The following MRE11 variants were observed in gnomAD, a reference collection of about 807,000 sequenced individuals.
MRE11 encodes MRE11 double strand break repair nuclease, also known as double-strand break repair protein MRE11.
In MRE11, 62 loss-of-function variants were observed where a neutral mutation model predicts 91.7. The observed-to-expected ratio is 0.68, with a 90% CI of 0.55 to 0.84. The LOEUF (loss-of-function observed/expected upper bound fraction) is 0.84. MRE11 is among the 40% of genes least tolerant of loss of function. MRE11 has a pLI of 0.00. For synonymous variants in MRE11, 273 were observed against 271.4 expected, an observed-to-expected ratio of 1.01 and a Z score of -0.06; for missense variants, 796 against 852.9, an observed-to-expected ratio of 0.93 and a Z score of 0.83.
chr11:94,434,891 C>T, intron 18 of MRE11, among the ~76,000 whole-genome samples: 1 of 152,154 alleles, frequency 6.6e-6, no homozygotes, highest in East Asian at 1.9e-4. Context: ...CCTCATCAGA[C>T]CTAATATAAT....
At chr11:94,465,627 G>A (rs1388869377) in intron 10 of MRE11, among the ~76,000 whole-genome samples, 3 of 151,814 alleles carry the variant, frequency 2.0e-5, no homozygotes, top group African/African-American at 4.8e-5. Flanking sequence ...AACTCCTGAC[G>A]TCAGATGATT....
chr11:94,449,691 C>G (rs999300177), intron 14 of MRE11, among the ~76,000 whole-genome samples: 3 of 152,184 alleles, frequency 2.0e-5, no homozygotes, highest in African/African-American at 7.2e-5. Flanking sequence ...TGTGTACTTA[C>G]ACAAAGCTAA....
At position 94,447,202 on chromosome 11, in the gene MRE11, C is replaced by T. The variant is rs1433642014; in HGVS notation, c.1783+17G>A. The T allele has an allele frequency of 1.3e-5, 21 of 1,605,972 alleles. No homozygotes were observed. The highest frequency in any genetic ancestry group is 1.8e-5 in the Non-Finnish European group (21 of 1,176,406). The stretch of plus-strand genomic sequence containing the variant: ...CTGCCAAGTGTGAATGTGCACAGGA[C>T]TGAACTCAGTGCTCACCTCTTCCTC... On this transcript the variant is annotated intron_variant, in intron 15 of 19. Transcript: ENST00000323929.
At chr11:94,466,223 G>T (rs1245946937) in intron 10 of MRE11, among the ~76,000 whole-genome samples, 2 of 152,146 alleles carry the variant, frequency 1.3e-5, no homozygotes, top group East Asian at 1.9e-4. Context: ...ACCTAAAAAA[G>T]TTTAGACTTT....
intron 12 of MRE11, 45 bp from the exon 13 acceptor site, chr11:94,459,626 T>C: frequency 6.3e-7 from 1 of 1,583,122 alleles, no homozygotes; most frequent in Non-Finnish European, 8.7e-7. Flanking sequence ...TTTTATTCCT[T>C]ACAAAATAAT....
the MRE11 span, among the ~76,000 whole-genome samples, chr11:94,501,181 T>G: frequency 2.0e-5 from 3 of 152,336 alleles, no homozygotes; most frequent in East Asian, 5.8e-4. Context: ...AAGGATTAAG[T>G]GTAGCTGATT....
chr11:94,482,161 A>C (rs1453980521), intron 4 of MRE11, among the ~76,000 whole-genome samples: 1 of 152,210 alleles, frequency 6.6e-6, no homozygotes, highest in East Asian at 1.9e-4. Flanking sequence ...TAAGTTACCC[A>C]AGTATTGTCT....
At chr11:94,512,067 A>T in the MRE11 span, among the ~76,000 whole-genome samples, 4 of 152,224 alleles carry the variant, frequency 2.6e-5, no homozygotes, top group Non-Finnish European at 5.9e-5. Flanking sequence ...GCGTGAAACC[A>T]GCGACGGTGC....
At chr11:94,461,530 A>C (rs924512347) in intron 11 of MRE11, among the ~76,000 whole-genome samples, 37 of 152,164 alleles carry the variant, frequency 2.4e-4, no homozygotes, top group Non-Finnish European at 4.3e-4. Flanking sequence ...AATGGACAAA[A>C]ACTGGAAGCA....
At chr11:94,447,495 A>C in intron 14 of MRE11, 57 bp from the exon 15 acceptor site, 1 of 1,522,844 alleles carries the variant, frequency 6.6e-7, no homozygotes, top group Non-Finnish European at 9.1e-7. Flanking sequence ...CATCCTAAAA[A>C]TCATTAATTT....
At chr11:94,422,528 G>C (rs190605349) in intron 19 of MRE11, among the ~76,000 whole-genome samples, 55 of 148,540 alleles carry the variant, frequency 3.7e-4, no homozygotes, top group Admixed American at 1.2e-3. Context: ...CCAAATATAA[G>C]TAAATGGTAG....
chr11:94,427,042 C>G (rs1014907583), intron 19 of MRE11, among the ~76,000 whole-genome samples: 1 of 152,170 alleles, frequency 6.6e-6, no homozygotes, highest in African/African-American at 2.4e-5. Context: ...CTAACTCATT[C>G]TACGAAGCCA....
intron 5 of MRE11, 24 bp from the exon 6 acceptor site, chr11:94,478,900 T>C: frequency 1.2e-6 from 2 of 1,612,080 alleles, no homozygotes; most frequent in Non-Finnish European, 8.5e-7. Flanking sequence ...TTTCAAAGAA[T>C]GTTAGTGTGT....
chr11:94,466,542 T>C (rs747047243), intron 10 of MRE11: 3 of 526,024 alleles, frequency 5.7e-6, no homozygotes, highest in South Asian at 4.2e-5. Context: ...CATTACTTTC[T>C]ACGACAAAAC....
chr11:94,452,114 C>T (rs954566043), intron 14 of MRE11, among the ~76,000 whole-genome samples: 5 of 150,730 alleles, frequency 3.3e-5, no homozygotes, highest in African/African-American at 9.7e-5. Context: ...CGAGAATCAC[C>T]TGAACCCAGG....
intron 19 of MRE11, among the ~76,000 whole-genome samples, chr11:94,427,935 A>G (rs577627434): frequency 6.6e-6 from 1 of 152,356 alleles, no homozygotes; most frequent in African/African-American, 2.4e-5. Flanking sequence ...GAACTGGAAG[A>G]ATCAGTATCA....
chr11:94,426,728 A>C (rs1250691409), intron 19 of MRE11, among the ~76,000 whole-genome samples: 1 of 152,150 alleles, frequency 6.6e-6, no homozygotes, highest in Non-Finnish European at 1.5e-5. Context: ...ATGACATTAC[A>C]ATTGACCCCA....
At chr11:94,445,659 C>G (rs181570101) in intron 16 of MRE11, 151 bp downstream of exon 16, 1 of 675,060 alleles carries the variant, frequency 1.5e-6, no homozygotes, top group East Asian at 2.7e-5. Context: ...TAATGCATAG[C>G]AAAGATCTTT....
Position 94,416,036 on chromosome 11 carries a change from C to G in MRE11, c.*4089G>C, listed in dbSNP as rs967108485. 4.6e-5 allele frequency: 7 copies of G among 152,294 alleles called. No individual in the cohort carries two copies. The highest frequency in any genetic ancestry group is 1.7e-4 in the African/African-American group (7 of 41,454). 9.4% of individuals were successfully genotyped at this position (152,294 alleles called of 1,614,324 possible). ...ATGTTGGCCCTGCTGGTCTCGAACTCCTGACCTCAGGTGATCCGCCTGCTT... is the reference window on the plus strand; with the variant it reads ...ATGTTGGCCCTGCTGGTCTCGAACTGCTGACCTCAGGTGATCCGCCTGCTT... On this transcript the variant is annotated 3_prime_UTR_variant, in exon 20 of 20. Coordinates refer to ENST00000323929, the MANE Select transcript of MRE11 (RefSeq NM_005591.4).
Sources: allele counts gnomAD v4.1 joint callset (sites outside exome capture counted in the v4.1 genomes callset), GRCh38; gene constraint gnomAD v4.1.1; transcripts MANE v1.5; gene names NCBI Gene and HGNC (gene_info 2026-07-23, HGNC 2026-07-21).